Variants in C2CD3 observed in about 807,000 individuals in gnomAD.
The protein encoded by C2CD3 is C2 domain-containing protein 3.
A neutral mutation model predicts 234.0 loss-of-function variants in C2CD3; 148 were observed. The observed-to-expected ratio is 0.63, with a 90% CI of 0.55 to 0.72. The LOEUF is 0.72. Among genes scored for constraint, C2CD3 ranks in the 30% least tolerant of loss-of-function variants. The probability of loss-of-function intolerance (pLI) is 0.00; values close to 1 mark genes in which losing one functional copy is unlikely to be tolerated. For missense variants in C2CD3, 2,577 were observed against 2,811.5 expected (o/e 0.92, Z 1.89); for synonymous variants, 1,000 against 1,035.4 (o/e 0.97, Z 0.66).
chr11:74,170,272 CTTCA>C (rs1233492166), intron 1 of C2CD3, among the ~76,000 whole-genome samples: 3 of 152,054 alleles, frequency 2.0e-5, no homozygotes, highest in African/African-American at 7.3e-5. Flanking sequence ...GCCCTTCATA[CTTCA>C]TTCATTCAAC....
At chr11:74,097,470 C>A (rs1292219895) in intron 16 of C2CD3, among the ~76,000 whole-genome samples, 1 of 152,176 alleles carries the variant, frequency 6.6e-6, no homozygotes, top group Non-Finnish European at 1.5e-5. Context: ...GGACAAGTAA[C>A]CTAACCTCTT....
intron 29 of C2CD3, among the ~76,000 whole-genome samples, chr11:74,038,609 T>A (rs1952858221): frequency 6.6e-6 from 1 of 152,214 alleles, no homozygotes; most frequent in Non-Finnish European, 1.5e-5. Context: ...TCCTTCCTCA[T>A]ACTTCTGCTG....
chr11:74,100,533 C>T lies in C2CD3; in HGVS notation c.2724G>A (p.Met908Ile), dbSNP rs1310309493. The T allele has an allele frequency of 6.2e-7, 1 of 1,610,174 alleles. No individual in the cohort carries two copies. The highest frequency in any genetic ancestry group is 8.5e-7 in the Non-Finnish European group (1 of 1,178,942). The change falls in exon 15 of 33, where the codon ATG (methionine) becomes ATA (isoleucine). Residue 908 changes from methionine (M) to isoleucine (I), a missense_variant. Physicochemically the swap from Met to Ile is conservative, Grantham distance 10 (BLOSUM62 1). Coordinates refer to ENST00000334126, the MANE Select transcript of C2CD3 (RefSeq NM_001286577.2). ...CAAAAGGTCCTATTTACTTGAATGA[C>T]ATGTAAAACTGGTGGAGGGGAAGTT... The part of the protein sequence containing the change: ...LVKLPLHQFY[M>I]SFKDAKISRL...
intron 32 of C2CD3, among the ~76,000 whole-genome samples, chr11:74,027,755 AT>A (rs5792641): frequency 0.021 from 3,251 of 152,274 alleles, 74 homozygotes; most frequent in Admixed American, 0.031. Flanking sequence ...ATTATTGTTT[AT>A]TTTCTTGGTA....
rs759715619 is a variant in C2CD3, at chr11:74,114,419, A to G, written c.1695T>C (p.Ala565=). ...CTGTAGTCACCTTAGGTGGTGGACC[A>G]GCATAGCTTTTTTTGCCAGGGGTCA... ...PQMTPGKKSY[A]GPPPKVTTAK... Residue 565 remains alanine (A), a synonymous_variant, in exon 10 of 33, where the codon GCT becomes GCC. Transcript: ENST00000334126. 2 of 1,614,094 alleles carry G rather than the reference A, an allele frequency of 1.2e-6. No individual in the cohort carries two copies. The highest frequency in any genetic ancestry group is 1.7e-6 in the Non-Finnish European group (2 of 1,180,006).
intron 26 of C2CD3, among the ~76,000 whole-genome samples, chr11:74,051,508 G>A (rs185242742): frequency 9.1e-4 from 139 of 152,214 alleles, no homozygotes; most frequent in Admixed American, 2.4e-3. Flanking sequence ...GGAATGGCTT[G>A]GAAGAGTTAA....
At chr11:74,048,387 C>T (rs563944101) in intron 27 of C2CD3, 49 bp from the exon 28 acceptor site, 96 of 1,587,440 alleles carry the variant, frequency 6.0e-5, no homozygotes, top group Admixed American at 2.6e-4. Context: ...TAAACCCATT[C>T]GTAACAAAGC....
intron 12 of C2CD3, 22 bp downstream of exon 12, chr11:74,109,012 A>C (rs1956641935): frequency 2.3e-6 from 3 of 1,317,526 alleles, no homozygotes; most frequent in Non-Finnish European, 3.3e-6. Context: ...GGTAAGGCAA[A>C]GGCCAAAATC....
intron 11 of C2CD3, chr11:74,110,523 C>T (rs1956705269): frequency 6.6e-6 from 1 of 152,186 alleles, no homozygotes; most frequent in South Asian, 2.1e-4. Context: ...GTTACTCTAC[C>T]TGGGAAAGGG....
intron 20 of C2CD3, among the ~76,000 whole-genome samples, chr11:74,086,144 C>T (rs1384070639): frequency 2.0e-5 from 3 of 152,168 alleles, no homozygotes; most frequent in African/African-American, 4.8e-5. Context: ...CCTGTCAATG[C>T]TCTTAAGTCA....
At chr11:74,095,112 C>A in intron 17 of C2CD3, 116 bp downstream of exon 17, 1 of 581,794 alleles carries the variant, frequency 1.7e-6, no homozygotes, top group Non-Finnish European at 2.7e-6. Flanking sequence ...TGTTTTACTG[C>A]CCAGTAAGAC....
chr11:74,109,330 G>C (rs2135504098), intron 11 of C2CD3, 178 bp from the exon 12 acceptor site: 1 of 524,112 alleles, frequency 1.9e-6, no homozygotes, highest in East Asian at 3.4e-5. Context: ...CAGGGACAAA[G>C]AGAAAACTCT....
chr11:74,097,143 C>T (rs1047605789), intron 16 of C2CD3, among the ~76,000 whole-genome samples: 1 of 136,260 alleles, frequency 7.3e-6, no homozygotes, highest in African/African-American at 3.0e-5. Context: ...AGCAAGACCT[C>T]ACCTCGAAAA....
chr11:74,152,634 C>A (rs903639791), intron 3 of C2CD3, among the ~76,000 whole-genome samples: 18 of 152,290 alleles, frequency 1.2e-4, no homozygotes, highest in Non-Finnish European at 2.5e-4. Flanking sequence ...TTCATCCTCA[C>A]TGAAACATTA....
intron 22 of C2CD3, among the ~76,000 whole-genome samples, chr11:74,084,673 C>T (rs554435078): frequency 6.6e-6 from 1 of 151,474 alleles, no homozygotes; most frequent in Non-Finnish European, 1.5e-5. Flanking sequence ...GAAGTATTCC[C>T]GATTGCAAAT....
chr11:74,027,493 A>C (rs1337722625), intron 32 of C2CD3, among the ~76,000 whole-genome samples: 2 of 152,192 alleles, frequency 1.3e-5, no homozygotes, highest in African/African-American at 4.8e-5. Flanking sequence ...AGTACTTGGA[A>C]CAGTGCCTGG....
At chr11:74,032,876 A>G (rs1952579818) in intron 31 of C2CD3, among the ~76,000 whole-genome samples, 1 of 151,810 alleles carries the variant, frequency 6.6e-6, no homozygotes, top group African/African-American at 2.4e-5. Context: ...AAAAAAAAAA[A>G]GGCAAGTCAC....
At chr11:74,116,945 C>T (rs796423113) in intron 9 of C2CD3, among the ~76,000 whole-genome samples, 58 of 100,062 alleles carry the variant, frequency 5.8e-4, no homozygotes, top group African/African-American at 2.7e-3. Flanking sequence ...TACACATATA[C>T]ACGTATATAT....
At chr11:74,065,128 C>A (rs1954450378) in intron 24 of C2CD3, among the ~76,000 whole-genome samples, 1 of 152,152 alleles carries the variant, frequency 6.6e-6, no homozygotes, top group Admixed American at 6.5e-5. Context: ...GAACAGGCAA[C>A]CTACAGAATG....
Sources: allele counts gnomAD v4.1 joint callset (sites outside exome capture counted in the v4.1 genomes callset), GRCh38; gene constraint gnomAD v4.1.1; transcripts MANE v1.5; gene names NCBI Gene and HGNC (gene_info 2026-07-23, HGNC 2026-07-21).